CAMK2A: variants seen among roughly 807,000 people sequenced by gnomAD.
CAMK2A encodes the protein calcium/calmodulin dependent protein kinase II alpha.
CAMK2A carries 7 observed loss-of-function variants against 79.2 expected under a neutral mutation model. The observed-to-expected ratio is 0.09, with a 90% confidence interval of 0.05 to 0.17. CAMK2A has a LOEUF of 0.17. CAMK2A is among the 10% of genes least tolerant of loss of function. The pLI, the probability that CAMK2A is intolerant of heterozygous loss-of-function variation, is 1.00. For synonymous variants in CAMK2A, 242 were observed against 251.7 expected, an observed-to-expected ratio of 0.96 and a Z score of 0.36; for missense variants, 214 against 646.4, an observed-to-expected ratio of 0.33 and a Z score of 7.25.
chr5:150,276,496 AG>A (rs1209647263), intron 1 of CAMK2A, among the ~76,000 whole-genome samples: 1 of 152,240 alleles, frequency 6.6e-6, no homozygotes, highest in Non-Finnish European at 1.5e-5. Context: ...CATCTAAGGA[AG>A]GTGGGGGACA....
Position 150,284,563 on chromosome 5 carries a change from G to A in CAMK2A, c.62+5001C>T, listed in dbSNP as rs963422231. 1.3e-5 allele frequency among the ~76,000 whole-genome samples: 2 copies of A among 152,260 alleles called. No homozygotes were observed. Among genetic ancestry groups the A allele is most frequent in the African/African-American group, 2.4e-5 (1 of 41,540 alleles). On this transcript the variant is annotated intron_variant, in intron 1 of 18. Transcript: ENST00000671881. The surrounding 1 kb of genome is among the most constrained non-coding windows in gnomAD (Gnocchi z 5.3). ...TCTCAGCCTGTGTGGGGGCGGCTGCGCGGGGGCGGAGGGCTGCAGCGTGCA... is the reference window on the plus strand; with the variant it reads ...TCTCAGCCTGTGTGGGGGCGGCTGCACGGGGGCGGAGGGCTGCAGCGTGCA...
At chr5:150,289,853 C>T, upstream of CAMK2A, 1 of 544,414 alleles carries the variant, frequency 1.8e-6, no homozygotes, top group Non-Finnish European at 3.3e-6. Flanking sequence ...CTCCAAAACG[C>T]CCTGTTCCCG....
At chr5:150,275,593 C>T (rs1234838383) in intron 1 of CAMK2A, among the ~76,000 whole-genome samples, 2 of 152,216 alleles carry the variant, frequency 1.3e-5, no homozygotes, top group Non-Finnish European at 2.9e-5. Flanking sequence ...GATCCCACAA[C>T]CCCCTCCTTT....
intron 3 of CAMK2A, 148 bp downstream of exon 3, chr5:150,264,808 A>G (rs1355440170): frequency 6.1e-6 from 4 of 652,428 alleles, no homozygotes; most frequent in African/African-American, 5.5e-5. Flanking sequence ...GGAAACCATT[A>G]AAGACGCCCC....
At chr5:150,240,387 T>C (rs1270946337) in intron 13 of CAMK2A, among the ~76,000 whole-genome samples, 1 of 152,204 alleles carries the variant, frequency 6.6e-6, no homozygotes, top group African/African-American at 2.4e-5. Context: ...CCAGCTTGCA[T>C]TCACAACCTC....
chr5:150,238,778 G>A, intron 14 of CAMK2A, 30 bp from the exon 15 acceptor site: 1 of 1,575,252 alleles, frequency 6.3e-7, no homozygotes, highest in Non-Finnish European at 8.6e-7. Context: ...AGATGGTGAG[G>A]CCTGCCTGGG....
intron 14 of CAMK2A, 70 bp downstream of exon 14, chr5:150,239,634 G>T (rs17111085): frequency 5.3e-5 from 77 of 1,457,134 alleles, no homozygotes; most frequent in Admixed American, 1.0e-4. Flanking sequence ...AGTGCAGCCT[G>T]CAGGAGGGAG....
At chr5:150,274,381 C>T (rs551125126) in intron 1 of CAMK2A, among the ~76,000 whole-genome samples, 2 of 152,210 alleles carry the variant, frequency 1.3e-5, no homozygotes, top group South Asian at 4.1e-4. Flanking sequence ...GAGAAGTTTC[C>T]CAATTTTTAA....
Position 150,287,279 on chromosome 5 carries a change from TG to T in CAMK2A, c.62+2284del, listed in dbSNP as rs762943294. Among the ~76,000 whole-genome samples the T allele has an allele frequency of 6.5e-4, 99 of 152,358 alleles. 1 individual carries two copies. The Middle Eastern group carries it at 0.014, about 21-fold the overall frequency. ...CGATGTCCCTGCAAGCTCCTGACAT[TG>T]CATGCAACATTTCGTAGGTTTGTGC... On this transcript the variant is annotated intron_variant, in intron 1 of 18. Transcript: ENST00000671881.
chr5:150,265,672 T>C (rs936974484), intron 2 of CAMK2A, among the ~76,000 whole-genome samples: 1 of 152,114 alleles, frequency 6.6e-6, no homozygotes, highest in Non-Finnish European at 1.5e-5. Context: ...CTGGGCACAG[T>C]GGCTCACACC....
intron 17 of CAMK2A, among the ~76,000 whole-genome samples, chr5:150,225,124 AAGTC>A: frequency 6.6e-6 from 1 of 151,946 alleles, no homozygotes; most frequent in East Asian, 1.9e-4. Context: ...AAAAAAAAAA[AAGTC>A]AGTTTCCAAG....
In CAMK2A at chr5:150,256,908, T is replaced by A; in HGVS notation, c.273-77A>T. On this transcript the variant is annotated intron_variant, in intron 4 of 18. Transcript: ENST00000671881. The surrounding 1 kb of genome is among the most constrained non-coding windows in gnomAD (Gnocchi z 4.6). ...TCATCTGGAGGAGTCTCCAGGAAAC[T>A]AAGGATGGGGCCCAGGGACCTCAGG... 1 of 1,305,300 alleles carries A rather than the reference T, an allele frequency of 7.7e-7. No homozygotes were observed. The highest frequency in any genetic ancestry group is 1.1e-6 in the Non-Finnish European group (1 of 930,342). The allele number at this position is 1,305,300 out of a possible 1,614,324, so 80.9% of individuals were successfully genotyped here. A position where few individuals can be genotyped will look rare whatever the true frequency, so the allele number is the denominator to read the frequency against.
chr5:150,222,477 C>A lies in CAMK2A; in HGVS notation c.*233G>T. 1.4e-6 allele frequency: 1 copy of A among 703,392 alleles called. No individual in the cohort carries two copies. The allele number at this position is 703,392 out of a possible 1,614,324, so 43.6% of individuals were successfully genotyped here. A position where few individuals can be genotyped will look rare whatever the true frequency, so the allele number is the denominator to read the frequency against. On this transcript the variant is annotated 3_prime_UTR_variant, in exon 19 of 19. Coordinates refer to ENST00000671881, the MANE Select transcript of CAMK2A (RefSeq NM_015981.4). ...ACACCCATGCCTGAGGAAGCCCCAG[C>A]CTGGCAGGGGAGAGGGTGGGGGTGA...
rs1424855078 is a variant in CAMK2A, at chr5:150,231,379, C to T, written c.1068G>A (p.Val356=). The T allele has an allele frequency of 1.3e-6, 2 of 1,494,262 alleles. No individual in the cohort carries two copies. The highest frequency in any genetic ancestry group is 1.8e-6 in the Non-Finnish European group (2 of 1,099,916). 92.6% of individuals were successfully genotyped at this position (1,494,262 alleles called of 1,614,324 possible). Reference sequence around the variant, plus strand: ...TCACTTTTATAATTTCCTGTTTCCGCACTGTAAGGCAGAAGGGGACACAGA... The same window carrying T: ...TCACTTTTATAATTTCCTGTTTCCGTACTGTAAGGCAGAAGGGGACACAGA... ...NTTIEDEDTK[V]RKQEIIKVTE... The change falls in exon 16 of 19, where the codon GTG becomes GTA. Residue 356 remains valine, a splice_region_variant and synonymous_variant. Transcript: ENST00000671881.
rs540171653 is a variant in CAMK2A at position 150,225,572 on chromosome 5, G to A, written c.1238-2355C>T. On this transcript the variant is annotated intron_variant, in intron 17 of 18. Coordinates refer to ENST00000671881, the MANE Select transcript of CAMK2A (RefSeq NM_015981.4). ...GCCATCGCTGAGCCTTTACAGTTGG[G>A]CCTTAGCCTGGTCCCTGCTTTGTGG... Among the ~76,000 whole-genome samples the A allele has an allele frequency of 3.3e-5, 5 of 152,246 alleles. No individual in the cohort carries two copies. In the South Asian group the frequency reaches 8.3e-4, roughly 25 times the overall value.
At chr5:150,278,618 G>A (rs968973007) in intron 1 of CAMK2A, among the ~76,000 whole-genome samples, 1 of 152,136 alleles carries the variant, frequency 6.6e-6, no homozygotes, top group African/African-American at 2.4e-5. Flanking sequence ...CAAGAGGAAG[G>A]GATGAGGCCT....
chr5:150,282,713 C>T (rs1213337798), intron 1 of CAMK2A, among the ~76,000 whole-genome samples: 2 of 152,224 alleles, frequency 1.3e-5, no homozygotes, highest in Admixed American at 1.3e-4. Context: ...TATACTGAAT[C>T]GAACTGAGGG....
intron 15 of CAMK2A, among the ~76,000 whole-genome samples, chr5:150,237,213 G>A (rs928469866): frequency 1.4e-4 from 22 of 152,302 alleles, no homozygotes; most frequent in East Asian, 7.7e-4. Flanking sequence ...TATGTGGTGC[G>A]TCAAAACTGC....
At chr5:150,249,926 G>C (rs1755755574) in intron 11 of CAMK2A, among the ~76,000 whole-genome samples, 1 of 152,138 alleles carries the variant, frequency 6.6e-6, no homozygotes, top group South Asian at 2.1e-4. Flanking sequence ...CCTGGCTCCA[G>C]ACCCAGAATA....
Sources: gnomAD v4.1 joint callset for allele counts (sites outside exome capture counted in the v4.1 genomes callset) on GRCh38, gnomAD v4.1.1 for gene constraint, Gnocchi (gnomAD v3.1) non-coding constraint, MANE v1.5 for transcripts, NCBI Gene and HGNC (gene_info 2026-07-23, HGNC 2026-07-21) for gene names.